Variants in CTNND2 observed in about 807,000 individuals in gnomAD.
The protein encoded by CTNND2 is catenin delta 2.
A neutral mutation model predicts 144.4 loss-of-function variants in CTNND2; 22 were observed. The observed-to-expected ratio is 0.15, with a 90% confidence interval of 0.11 to 0.22. CTNND2 has a LOEUF of 0.22. CTNND2 is among the 10% of genes least tolerant of loss of function. CTNND2 has a pLI of 1.00. For synonymous variants in CTNND2, 751 were observed against 695.6 expected (o/e 1.08, Z -1.25); for missense variants, 1,353 against 1,618.8 (o/e 0.84, Z 2.82).
chr5:11,851,711 A>G (rs1795022184), intron 1 of CTNND2, among the ~76,000 whole-genome samples: 1 of 152,208 alleles, frequency 6.6e-6, no homozygotes, highest in Non-Finnish European at 1.5e-5. Flanking sequence ...GCTGCTGCCA[A>G]GTCTCCACAT....
At chr5:11,263,987 T>C (rs1745181795) in intron 9 of CTNND2, among the ~76,000 whole-genome samples, 1 of 152,220 alleles carries the variant, frequency 6.6e-6, no homozygotes, top group African/African-American at 2.4e-5. Context: ...TGGCACGTCA[T>C]CTGTAATCTC....
intron 1 of CTNND2, among the ~76,000 whole-genome samples, chr5:11,801,192 A>C (rs958899027): frequency 3.3e-5 from 5 of 152,294 alleles, no homozygotes; most frequent in African/African-American, 1.2e-4. Context: ...TTGTTAGCTG[A>C]TGGGTACCAG....
At chr5:11,376,431 A>C (rs1757954989) in intron 7 of CTNND2, among the ~76,000 whole-genome samples, 1 of 151,716 alleles carries the variant, frequency 6.6e-6, no homozygotes, top group Non-Finnish European at 1.5e-5. Flanking sequence ...TCATGCCACT[A>C]ACTCTTTCCA....
At chr5:11,301,271 C>T (rs1446711869) in intron 9 of CTNND2, among the ~76,000 whole-genome samples, 1 of 152,142 alleles carries the variant, frequency 6.6e-6, no homozygotes, top group East Asian at 1.9e-4. Context: ...CCCGCCTCTG[C>T]CTCCCAAAGT....
intron 3 of CTNND2, among the ~76,000 whole-genome samples, chr5:11,527,717 A>G (rs980477456): frequency 6.6e-6 from 1 of 152,194 alleles, no homozygotes; most frequent in African/African-American, 2.4e-5. Flanking sequence ...TATATTTAAT[A>G]TTTCATATAA....
At chr5:11,497,526 G>GGGGGA (rs1770089167) in intron 3 of CTNND2, among the ~76,000 whole-genome samples, 1 of 79,252 alleles carries the variant, frequency 1.3e-5, no homozygotes, top group African/African-American at 4.8e-5. Flanking sequence ...GGGTGGGGGG[G>GGGGGA]GGCAATATGT....
intron 7 of CTNND2, 142 bp from the exon 8 acceptor site, chr5:11,365,032 T>A: frequency 1.5e-6 from 1 of 668,036 alleles, no homozygotes; most frequent in South Asian, 1.9e-5. Context: ...ATGGCAGCAA[T>A]ATGTCAACCT....
chr5:11,055,166 T>G (rs2149587547), intron 16 of CTNND2, among the ~76,000 whole-genome samples: 1 of 152,276 alleles, frequency 6.6e-6, no homozygotes, highest in East Asian at 1.9e-4. Flanking sequence ...GAACCAGGGT[T>G]AAGGACGTAG....
intron 18 of CTNND2, among the ~76,000 whole-genome samples, chr5:11,003,231 C>T (rs1361649159): frequency 1.3e-5 from 2 of 152,096 alleles, no homozygotes; most frequent in Non-Finnish European, 2.9e-5. Flanking sequence ...TGGCAAAAAT[C>T]TGTTGGGCTT....
At chr5:11,579,034 C>G (rs1778200420) in intron 2 of CTNND2, among the ~76,000 whole-genome samples, 5 of 152,172 alleles carry the variant, frequency 3.3e-5, no homozygotes, top group Admixed American at 3.3e-4. Context: ...TAAATACTCT[C>G]TCTACTAAAG....
intron 2 of CTNND2, among the ~76,000 whole-genome samples, chr5:11,688,923 C>A (rs75916071): frequency 3.9e-5 from 6 of 152,126 alleles, no homozygotes; most frequent in Admixed American, 3.3e-4. Context: ...TGATCACAGA[C>A]GGAGTTGCCC....
chr5:11,275,440 G>C (rs1416881222), intron 9 of CTNND2, among the ~76,000 whole-genome samples: 2 of 152,190 alleles, frequency 1.3e-5, no homozygotes, highest in African/African-American at 4.8e-5. Flanking sequence ...GAGAAGGATG[G>C]AACAGAAGAC....
intron 1 of CTNND2, among the ~76,000 whole-genome samples, chr5:11,865,501 T>C (rs1795718671): frequency 6.6e-6 from 1 of 152,124 alleles, no homozygotes; most frequent in African/African-American, 2.4e-5. Flanking sequence ...ATTAACTAAA[T>C]AAACTCTTGA....
At chr5:11,317,597 A>G (rs1751642547) in intron 9 of CTNND2, among the ~76,000 whole-genome samples, 1 of 152,186 alleles carries the variant, frequency 6.6e-6, no homozygotes, top group South Asian at 2.1e-4. Flanking sequence ...AATGATTTTT[A>G]TATTTTGATT....
intron 8 of CTNND2, among the ~76,000 whole-genome samples, chr5:11,353,332 G>A (rs892691905): frequency 2.0e-5 from 3 of 152,144 alleles, no homozygotes; most frequent in African/African-American, 4.8e-5. Context: ...CAGGGTCTGC[G>A]TGTTTTACCC....
intron 18 of CTNND2, among the ~76,000 whole-genome samples, chr5:11,014,490 G>T (rs1294727636): frequency 6.6e-6 from 1 of 152,160 alleles, no homozygotes; most frequent in Non-Finnish European, 1.5e-5. Flanking sequence ...CTTTAAAAGG[G>T]TGATGCATTC....
chr5:11,338,772 T>C (rs1250548006), intron 9 of CTNND2, among the ~76,000 whole-genome samples: 1 of 152,216 alleles, frequency 6.6e-6, no homozygotes, highest in African/African-American at 2.4e-5. Context: ...CACAGACAAA[T>C]ACTGTGTGTG....
At chr5:11,178,990 T>C (rs572483648) in intron 11 of CTNND2, among the ~76,000 whole-genome samples, 4 of 152,346 alleles carry the variant, frequency 2.6e-5, no homozygotes, top group Admixed American at 1.3e-4. Context: ...TACAACTATT[T>C]CTTAATTATG....
chr5:11,886,738 A>G (rs965911612), intron 1 of CTNND2, among the ~76,000 whole-genome samples: 1 of 152,158 alleles, frequency 6.6e-6, no homozygotes, highest in Non-Finnish European at 1.5e-5. Context: ...TTATCTTCAG[A>G]TTATCAGTAA....
Sources: allele counts gnomAD v4.1 joint callset (sites outside exome capture counted in the v4.1 genomes callset), GRCh38; gene constraint gnomAD v4.1.1; transcripts MANE v1.5; gene names NCBI Gene and HGNC (gene_info 2026-07-23, HGNC 2026-07-21).